ZNF112: variants seen among roughly 807,000 people sequenced by gnomAD.
ZNF112 encodes zinc finger protein 112.
In ZNF112, 37 loss-of-function variants were observed where a neutral mutation model predicts 77.7. The ratio of observed to expected loss-of-function variants is 0.48; its 90% CI spans 0.37 to 0.63. The LOEUF is 0.63. Among genes scored for constraint, ZNF112 ranks in the 20% least tolerant of loss-of-function variants. The pLI is 0.00. For synonymous variants in ZNF112, 333 were observed against 363.6 expected, an observed-to-expected ratio of 0.92 and a Z score of 0.96; for missense variants, 950 against 1,077.4, an observed-to-expected ratio of 0.88 and a Z score of 1.66.
chr19:44,366,631 A>G (rs898671493), intron 1 of ZNF112, among the ~76,000 whole-genome samples: 3 of 151,874 alleles, frequency 2.0e-5, no homozygotes, highest in African/African-American at 7.3e-5. Context: ...GCCTGGAGTG[A>G]TTCCCGCCCC....
chr19:44,336,566 G>T, intron 3 of ZNF112, 57 bp downstream of exon 3: 2 of 1,414,764 alleles, frequency 1.4e-6, no homozygotes, highest in South Asian at 2.3e-5. Flanking sequence ...GATGTGTTCT[G>T]ACTCATGTTC....
chr19:44,329,095 C>G lies in ZNF112; in HGVS notation c.1062G>C (p.Arg354Ser), dbSNP rs771297813. 1.2e-6 allele frequency: 2 copies of G among 1,613,660 alleles called. No homozygotes were observed. Among genetic ancestry groups the G allele is most frequent in the Admixed American group, 1.7e-5 (1 of 59,946 alleles). The change falls in exon 4 of 4, where the codon AGG becomes AGC. Residue 354 changes from arginine (R) to serine (S), a missense_variant. Around this residue, in one of 3 missense-constraint regions of ZNF112, gnomAD observed 560 missense variants for 557.3 expected, o/e 1.00. Transcript: ENST00000354340. ...TGAAGGCTTTCTCATAAATGTTGTG[C>G]CTATAGGACATCTCACCTGTGTGGA... Reference protein sequence around the residue: ...ELIHTGEMSYRHNIYEKAFSH... With the variant: ...ELIHTGEMSYSHNIYEKAFSH...
At chr19:44,346,935 G>A (rs1316130648) in intron 1 of ZNF112, among the ~76,000 whole-genome samples, 1 of 152,182 alleles carries the variant, frequency 6.6e-6, no homozygotes, top group Non-Finnish European at 1.5e-5. Context: ...AAATGTCAAC[G>A]AGGTCAAGAT....
At chr19:44,349,676 C>T in intron 1 of ZNF112, among the ~76,000 whole-genome samples, 1 of 151,962 alleles carries the variant, frequency 6.6e-6, no homozygotes, top group East Asian at 1.9e-4. Context: ...TTTTGATATT[C>T]AGATATTCAG....
chr19:44,328,127 T>C lies in ZNF112; in HGVS notation c.2030A>G (p.His677Arg). 6.2e-7 allele frequency: 1 copy of C among 1,614,082 alleles called. No homozygotes were observed. The highest frequency in any genetic ancestry group is 8.5e-7 in the Non-Finnish European group (1 of 1,179,996). ...GFSKASTLLA[H>R]QRVHTGEKPY... ...CTTCTCTCCCGTGTGGACCCTCTGATGGGCCAAAAGTGTTGAGGCCTTACT... is the reference window on the plus strand; with the variant it reads ...CTTCTCTCCCGTGTGGACCCTCTGACGGGCCAAAAGTGTTGAGGCCTTACT... The change falls in exon 4 of 4, where the codon CAT becomes CGT. Residue 677 changes from histidine to arginine, a missense_variant. By Grantham distance (29) the His-to-Arg change is conservative. Around this residue, in one of 3 missense-constraint regions of ZNF112, gnomAD observed 373 missense variants for 482.8 expected, o/e 0.77. Coordinates refer to ENST00000354340, the MANE Select transcript of ZNF112 (RefSeq NM_013380.4).
Position 44,328,043 on chromosome 19 carries a change from T to C in ZNF112, c.2114A>G (p.His705Arg). Residue 705 changes from histidine (H) to arginine (R), a missense_variant, in exon 4 of 4, where the codon CAT becomes CGT. Transcript: ENST00000354340. ...TCTTTCTCCAGAATGGACACTCTGA[T>C]GACTCTGAAGGTATGATCTCTGACT... ...SFSQRSYLQS[H>R]QSVHSGERPY... is the part of the protein sequence containing the mutation. 1.9e-6 allele frequency: 3 copies of C among 1,614,068 alleles called. No homozygotes were observed. The highest frequency in any genetic ancestry group is 2.5e-6 in the Non-Finnish European group (3 of 1,179,982).
chr19:44,334,189 C>T (rs1970322807), intron 3 of ZNF112, among the ~76,000 whole-genome samples: 2 of 152,168 alleles, frequency 1.3e-5, no homozygotes, highest in South Asian at 2.1e-4. Context: ...CAGCATTATG[C>T]CTCTGCTCCA....
chr19:44,353,448 A>G (rs912831534), intron 1 of ZNF112, among the ~76,000 whole-genome samples: 1 of 152,088 alleles, frequency 6.6e-6, no homozygotes, highest in African/African-American at 2.4e-5. Flanking sequence ...AAGAGAATGA[A>G]AAGACAAGCT....
chr19:44,333,440 A>T (rs1970307333), intron 3 of ZNF112, among the ~76,000 whole-genome samples: 1 of 152,128 alleles, frequency 6.6e-6, no homozygotes, highest in South Asian at 2.1e-4. Context: ...TTTCTTAACC[A>T]CTGATATGGT....
rs1970150601 is a variant in ZNF112, at chr19:44,327,591, T to G, written c.2566A>C (p.Lys856Gln). The change falls in exon 4 of 4, where the codon AAA becomes CAA. Residue 856 changes from lysine to glutamine, a missense_variant. Lys to Gln is a moderately conservative substitution (Grantham distance 53). Transcript: ENST00000354340. Reference sequence around the variant, plus strand: ...AAACCCTTACCACATGCATCACATTTGTATGGTTTCTCTCCTGTGTGGACT... The same window carrying G: ...AAACCCTTACCACATGCATCACATTGGTATGGTTTCTCTCCTGTGTGGACT... ...QRVHTGEKPY[K>Q]CDACGKGFRW... 1.2e-6 allele frequency: 2 copies of G among 1,614,106 alleles called. No homozygotes were observed. The highest frequency in any genetic ancestry group is 1.7e-6 in the Non-Finnish European group (2 of 1,179,962).
intron 3 of ZNF112, among the ~76,000 whole-genome samples, chr19:44,330,753 A>G (rs1364346937): frequency 6.6e-6 from 1 of 152,216 alleles, no homozygotes; most frequent in Admixed American, 6.5e-5. Context: ...ACAAAACAAC[A>G]CAACTATAAA....
At position 44,337,815 on chromosome 19, in the gene ZNF112, A is replaced by G. The variant is rs138380294; in HGVS notation, c.125-1097T>C. 5.4e-3 allele frequency among the ~76,000 whole-genome samples: 749 copies of G among 139,226 alleles called. 12 individuals carry two copies. Among genetic ancestry groups the G allele is most frequent in the Non-Finnish European group, 4.8e-3 (316 of 65,640 alleles). The allele number at this position is 139,226 out of a possible 152,430, so 91.3% of individuals were successfully genotyped here. A position where few individuals can be genotyped will look rare whatever the true frequency, so the allele number is the denominator to read the frequency against. On this transcript the variant is annotated intron_variant, in intron 2 of 3. Coordinates refer to ENST00000354340, the MANE Select transcript of ZNF112 (RefSeq NM_013380.4). ...TATGTATACATATTTCTATGTGTGT[A>G]TATGTGTATGTATATACATACACAT...
intron 2 of ZNF112, among the ~76,000 whole-genome samples, chr19:44,339,823 G>C (rs975007910): frequency 3.3e-5 from 5 of 151,854 alleles, no homozygotes; most frequent in African/African-American, 9.7e-5. Flanking sequence ...GGGGACTCCT[G>C]AACTCTGTAT....
chr19:44,332,489 G>C (rs931740157), intron 3 of ZNF112, among the ~76,000 whole-genome samples: 2 of 152,128 alleles, frequency 1.3e-5, no homozygotes, highest in African/African-American at 4.8e-5. Flanking sequence ...TATTATAGGA[G>C]GCATATCAGA....
chr19:44,341,323 A>G (rs1970485490), intron 1 of ZNF112: 2 of 390,136 alleles, frequency 5.1e-6, no homozygotes, highest in Admixed American at 3.1e-5. Flanking sequence ...GAGGTTACCT[A>G]TACGAACAAT....
chr19:44,336,871 G>T (rs1970378493), intron 2 of ZNF112, among the ~76,000 whole-genome samples, 153 bp from the exon 3 acceptor site: 1 of 150,576 alleles, frequency 6.6e-6, no homozygotes, highest in South Asian at 2.1e-4. Flanking sequence ...CTAACTTCAT[G>T]ATTTTCTTTT....
intron 3 of ZNF112, among the ~76,000 whole-genome samples, chr19:44,330,597 G>A (rs1296253953): frequency 6.6e-6 from 1 of 152,140 alleles, no homozygotes; most frequent in Non-Finnish European, 1.5e-5. Flanking sequence ...TTAGCCAGGC[G>A]TGGTGTTGCA....
intron 1 of ZNF112, chr19:44,343,104 GACAAAA>G: frequency 1.4e-6 from 1 of 736,210 alleles, no homozygotes; most frequent in South Asian, 2.9e-5. Flanking sequence ...TTTAGAAAAG[GACAAAA>G]ACAAAAAGCA....
chr19:44,327,401 G>T lies in ZNF112; in HGVS notation c.*32C>A. On this transcript the variant is annotated 3_prime_UTR_variant, in exon 4 of 4. Coordinates refer to ENST00000354340, the MANE Select transcript of ZNF112 (RefSeq NM_013380.4). ...CTTTTTCTACTGAAAGAACTCTAGTGACTGGAAAATTTCAGCTCCCATTTG... is the reference window on the plus strand; with the variant it reads ...CTTTTTCTACTGAAAGAACTCTAGTTACTGGAAAATTTCAGCTCCCATTTG... The T allele has an allele frequency of 6.6e-7, 1 of 1,522,864 alleles. No homozygotes were observed. Among genetic ancestry groups the T allele is most frequent in the Non-Finnish European group, 8.8e-7 (1 of 1,132,574 alleles). The allele number at this position is 1,522,864 out of a possible 1,614,324, so 94.3% of individuals were successfully genotyped here.
Sources: allele counts gnomAD v4.1 joint callset (sites outside exome capture counted in the v4.1 genomes callset), GRCh38; gene constraint gnomAD v4.1.1; regional missense constraint gnomAD v4.1.1; transcripts MANE v1.5; gene names NCBI Gene and HGNC (gene_info 2026-07-23, HGNC 2026-07-21).